Variants in CNTNAP2 observed in about 807,000 individuals in gnomAD.
CNTNAP2 encodes the protein contactin associated protein 2.
CNTNAP2 carries 98 observed loss-of-function variants against 155.2 expected under a neutral mutation model. The observed-to-expected ratio is 0.63, with a 90% CI of 0.54 to 0.75. The LOEUF is 0.75. CNTNAP2 is among the 30% of genes least tolerant of loss of function. The pLI, the probability that CNTNAP2 is intolerant of heterozygous loss-of-function variation, is 0.00. For synonymous variants in CNTNAP2, 651 were observed against 631.2 expected, an observed-to-expected ratio of 1.03 and a Z score of -0.47; for missense variants, 1,727 against 1,688.1, an observed-to-expected ratio of 1.02 and a Z score of -0.40.
At chr7:148,256,170 G>A (rs568354330) in intron 20 of CNTNAP2, among the ~76,000 whole-genome samples, 1 of 152,096 alleles carries the variant, frequency 6.6e-6, no homozygotes, top group African/African-American at 2.4e-5. Context: ...CCTTTCCAGG[G>A]CAGGTGGACG....
intron 1 of CNTNAP2, among the ~76,000 whole-genome samples, chr7:146,529,277 A>G (rs1229099580): frequency 6.6e-6 from 1 of 152,176 alleles, no homozygotes; most frequent in Admixed American, 6.5e-5. Flanking sequence ...TATGAAAGTA[A>G]AAGGAAGAAA....
intron 1 of CNTNAP2, among the ~76,000 whole-genome samples, chr7:146,496,803 A>G (rs1342509888): frequency 6.6e-6 from 1 of 152,236 alleles, no homozygotes; most frequent in Non-Finnish European, 1.5e-5. Context: ...TTAGCCATTC[A>G]GGTATAACAA....
chr7:147,982,328 A>G (rs545492229), intron 15 of CNTNAP2, among the ~76,000 whole-genome samples: 1 of 152,196 alleles, frequency 6.6e-6, no homozygotes, highest in East Asian at 1.9e-4. Flanking sequence ...AAATGTTTTC[A>G]GTAAACCTGG....
intron 4 of CNTNAP2, chr7:147,082,399 A>C (rs1001135696): frequency 1.3e-5 from 2 of 152,210 alleles, no homozygotes; most frequent in Non-Finnish European, 2.9e-5. Flanking sequence ...GGCTTGCAGC[A>C]TCTGCTCATA....
Position 148,147,595 on chromosome 7 carries a change from G to A in CNTNAP2, c.2659G>A (p.Ala887Thr), listed in dbSNP as rs2116652575. 1 of 1,614,078 alleles carries A rather than the reference G, an allele frequency of 6.2e-7. No individual in the cohort carries two copies. Among genetic ancestry groups the A allele is most frequent in the Non-Finnish European group, 8.5e-7 (1 of 1,180,026 alleles). The change falls in exon 17 of 24, where the codon GCA becomes ACA. Residue 887 changes from alanine to threonine, a missense_variant. Ala to Thr is a moderately conservative substitution (Grantham distance 58). Coordinates refer to ENST00000361727, the MANE Select transcript of CNTNAP2 (RefSeq NM_014141.6). ...LNDDQWHRVT[A>T]ERNVKQASLQ... is the part of the protein sequence containing the mutation. ...CGATGACCAGTGGCACCGGGTCACT[G>A]CAGAGAGGAATGTCAAGCAGGCCAG...
At chr7:148,061,407 G>T (rs1379635972) in intron 15 of CNTNAP2, among the ~76,000 whole-genome samples, 1 of 151,924 alleles carries the variant, frequency 6.6e-6, no homozygotes, top group Admixed American at 6.6e-5. Flanking sequence ...ATGCTGTAGT[G>T]CAGTGGCATG....
intron 14 of CNTNAP2, among the ~76,000 whole-genome samples, chr7:147,952,434 C>T (rs1438803774): frequency 1.3e-5 from 2 of 151,722 alleles, no homozygotes; most frequent in South Asian, 2.1e-4. Context: ...AAGAGTGAAA[C>T]TCTGTCTCAA....
At chr7:147,355,675 C>A (rs1162780367) in intron 9 of CNTNAP2, among the ~76,000 whole-genome samples, 1 of 152,076 alleles carries the variant, frequency 6.6e-6, no homozygotes, top group Non-Finnish European at 1.5e-5. Flanking sequence ...TGCAAATAAA[C>A]TAGAAAATCT....
chr7:148,203,275 C>T (rs1276915181), intron 18 of CNTNAP2, among the ~76,000 whole-genome samples: 1 of 152,110 alleles, frequency 6.6e-6, no homozygotes, highest in Non-Finnish European at 1.5e-5. Context: ...AAACAGTGTA[C>T]ATTGCATACC....
intron 10 of CNTNAP2, among the ~76,000 whole-genome samples, chr7:147,485,152 A>T (rs1314284386): frequency 6.6e-6 from 1 of 152,154 alleles, no homozygotes; most frequent in Non-Finnish European, 1.5e-5. Context: ...AGAAATCTAA[A>T]GCTTCCGTTT....
At chr7:146,976,841 T>C (rs1797921085) in intron 3 of CNTNAP2, among the ~76,000 whole-genome samples, 1 of 152,188 alleles carries the variant, frequency 6.6e-6, no homozygotes, top group African/African-American at 2.4e-5. Context: ...TCGATTCTTC[T>C]TGGCCTCGCT....
chr7:148,344,143 T>A (rs1195285546), intron 21 of CNTNAP2, among the ~76,000 whole-genome samples: 1 of 152,210 alleles, frequency 6.6e-6, no homozygotes, highest in Non-Finnish European at 1.5e-5. Context: ...TGACTCAGTC[T>A]CTCCTAGCAG....
At chr7:146,848,730 C>T (rs549395739) in intron 3 of CNTNAP2, among the ~76,000 whole-genome samples, 1 of 152,056 alleles carries the variant, frequency 6.6e-6, no homozygotes, top group Non-Finnish European at 1.5e-5. Context: ...TAAATAACTG[C>T]GTTTTTCCTG....
At chr7:146,827,214 C>G (rs1451630237) in intron 2 of CNTNAP2, among the ~76,000 whole-genome samples, 1 of 151,922 alleles carries the variant, frequency 6.6e-6, no homozygotes, top group African/African-American at 2.4e-5. Context: ...CCATGCTAGG[C>G]AGTGGTTATT....
rs76872236 is a variant in CNTNAP2 at position 147,441,991 on chromosome 7, G to A, written c.1671-43944G>A. ...CCAGCACAGCACTGGGTCCTACGCA[G>A]CATCTGTTGTAATCACTCTCTGGCT... On this transcript the variant is annotated intron_variant, in intron 10 of 23. Coordinates refer to ENST00000361727, the MANE Select transcript of CNTNAP2 (RefSeq NM_014141.6). Among the ~76,000 whole-genome samples the A allele has an allele frequency of 6.8e-4, 104 of 151,990 alleles. 7 individuals are homozygous for A. The East Asian group carries it at 0.019, about 28-fold the overall frequency.
intron 14 of CNTNAP2, among the ~76,000 whole-genome samples, chr7:147,928,656 G>A (rs560340371): frequency 9.2e-5 from 14 of 152,256 alleles, no homozygotes; most frequent in African/African-American, 3.4e-4. Context: ...GTTTCCTGAT[G>A]TCAGCAACAT....
intron 15 of CNTNAP2, among the ~76,000 whole-genome samples, chr7:148,041,782 A>G (rs145221682): frequency 5.3e-5 from 8 of 152,194 alleles, no homozygotes; most frequent in Non-Finnish European, 1.0e-4. Context: ...ACAAGCATCT[A>G]TTGAGCAACC....
intron 10 of CNTNAP2, among the ~76,000 whole-genome samples, chr7:147,423,092 C>G (rs762117243): frequency 3.3e-5 from 5 of 152,172 alleles, no homozygotes; most frequent in Non-Finnish European, 7.3e-5. Context: ...GGCCGACCAC[C>G]ACCAGGCTCT....
At chr7:147,848,139 C>G (rs1419788931) in intron 13 of CNTNAP2, among the ~76,000 whole-genome samples, 1 of 136,402 alleles carries the variant, frequency 7.3e-6, no homozygotes, top group Non-Finnish European at 1.6e-5. Flanking sequence ...TTGGAGCTTC[C>G]CGGCTGCTTT....
Sources: allele counts gnomAD v4.1 joint callset (sites outside exome capture counted in the v4.1 genomes callset), GRCh38; gene constraint gnomAD v4.1.1; transcripts MANE v1.5; gene names NCBI Gene and HGNC (gene_info 2026-07-23, HGNC 2026-07-21).